KMT2B: variants seen among roughly 807,000 people sequenced by gnomAD.
KMT2B encodes lysine methyltransferase 2B.
A neutral mutation model predicts 255.3 loss-of-function variants in KMT2B; 22 were observed. The observed-to-expected ratio is 0.09, with a 90% CI of 0.06 to 0.12. The LOEUF is 0.12. Among genes scored for constraint, KMT2B ranks in the 10% least tolerant of loss-of-function variants. KMT2B has a pLI of 1.00. For missense variants in KMT2B, 3,149 were observed against 3,737.0 expected (o/e 0.84, Z 4.10); for synonymous variants, 1,730 against 1,498.1 (o/e 1.15, Z -3.57).
rs182457846 is a variant in KMT2B at position 35,723,107 on chromosome 19, G to C, written c.2835G>C (p.Leu945=). Residue 945 remains leucine, a synonymous_variant, in exon 6 of 37, where the codon CTG becomes CTC. Transcript: ENST00000420124. This position sits in a 1 kb window ranked among gnomAD's most constrained non-coding sequence, Gnocchi z 7.5. Reference sequence around the variant, plus strand: ...AGCCCACAGGTTCTGGAGGGACCCTGGCCCACACACCCCGGCGCTCACTGC... The same window carrying C: ...AGCCCACAGGTTCTGGAGGGACCCTCGCCCACACACCCCGGCGCTCACTGC... ...ESEPTGSGGT[L]AHTPRRSLPS... 2.2e-3 allele frequency: 3,483 copies of C among 1,613,310 alleles called. 3 individuals carry two copies. Among genetic ancestry groups the C allele is most frequent in the Non-Finnish European group, 2.6e-3 (3,049 of 1,179,828 alleles).
Position 35,728,109 on chromosome 19 carries a change from T to C in KMT2B, c.4509T>C (p.Ser1503=), listed in dbSNP as rs1969539689. ...AACCCACTCCCCAGCTGCTAGAATC[T>C]GCGTTCGGCTGGTTCGACGCCCACG... ...MKGLLLKLLE[S]AFGWFDAHDP... is the part of the protein sequence containing the mutation. The change falls in exon 19 of 37, where the codon TCT becomes TCC. Residue 1503 remains serine (S), a synonymous_variant. Coordinates refer to ENST00000420124, the MANE Select transcript of KMT2B (RefSeq NM_014727.3). The C allele has an allele frequency of 1.3e-6, 2 of 1,598,178 alleles. No homozygotes were observed. The highest frequency in any genetic ancestry group is 1.7e-6 in the Non-Finnish European group (2 of 1,172,814).
rs1183799779 is a variant in KMT2B, at chr19:35,723,561, G to A, written c.3058+59G>A. ...CCGTGTTAGAGTTTGTGCTGTGGAGGGAGCTGTTTTTCTTTGCTCTCCTCC... is the reference window on the plus strand; with the variant it reads ...CCGTGTTAGAGTTTGTGCTGTGGAGAGAGCTGTTTTTCTTTGCTCTCCTCC... On this transcript the variant is annotated intron_variant, in intron 7 of 36. Transcript: ENST00000420124. This position sits in a 1 kb window ranked among gnomAD's most constrained non-coding sequence, Gnocchi z 7.5. 4.7e-6 allele frequency: 7 copies of A among 1,480,096 alleles called. No individual in the cohort carries two copies. The East Asian group carries it at 7.4e-5, about 16-fold the overall frequency. The allele number at this position is 1,480,096 out of a possible 1,614,324, so 91.7% of individuals were successfully genotyped here.
intron 1 of KMT2B, 140 bp from the exon 2 acceptor site, chr19:35,719,329 C>T (rs1047093835): frequency 6.1e-6 from 4 of 658,498 alleles, no homozygotes; most frequent in Middle Eastern, 3.2e-4. Context: ...CTACCCGCGA[C>T]CTTTGAGTCT....
At position 35,726,363 on chromosome 19, in the gene KMT2B, G is replaced by A. The variant is rs201804873; in HGVS notation, c.4003+10G>A. On this transcript the variant is annotated intron_variant, in intron 14 of 36. Coordinates refer to ENST00000420124, the MANE Select transcript of KMT2B (RefSeq NM_014727.3). ...CAGCTATATGAGAAAGGTGGGGACC[G>A]GGCAGGGGAACTGGATGCTGGGGGC... 8 of 1,577,986 alleles carry A rather than the reference G, an allele frequency of 5.1e-6. No homozygotes were observed. The highest frequency in any genetic ancestry group is 1.3e-5 in the African/African-American group (1 of 74,332).
rs768315319 is a variant in KMT2B, at chr19:35,728,787, A to C, written c.4585A>C (p.Asn1529His). ...GCCTGTCCACAGCGGAGTCCTTCCC[A>C]ATGCGGTGTTGCCCCCATCCCTGGA... ...STRLPNGVLP[N>H]AVLPPSLDHV... The change falls in exon 20 of 37, where the codon AAT (asparagine) becomes CAT (histidine). Residue 1529 changes from asparagine to histidine, a missense_variant. Around this residue, in one of 18 missense-constraint regions of KMT2B, gnomAD observed 377 missense variants for 471.0 expected, o/e 0.80. Transcript: ENST00000420124. The C allele has an allele frequency of 6.2e-7, 1 of 1,613,786 alleles. No individual in the cohort carries two copies. Among genetic ancestry groups the C allele is most frequent in the African/African-American group, 1.3e-5 (1 of 74,986 alleles).
intron 9 of KMT2B, 72 bp downstream of exon 9, chr19:35,724,803 T>G: frequency 4.5e-6 from 6 of 1,345,134 alleles, no homozygotes; most frequent in South Asian, 1.3e-5. Flanking sequence ...CAGACACACC[T>G]GAGTGTCGTG....
intron 30 of KMT2B, chr19:35,736,445 C>A: frequency 1.9e-6 from 1 of 530,688 alleles, no homozygotes; most frequent in Non-Finnish European, 3.4e-6. Context: ...GGCCCCAAGC[C>A]TCTGTGGAAT....
Position 35,729,044 on chromosome 19 carries a change from C to T in KMT2B, c.4747C>T (p.Leu1583Phe). 1 of 1,614,022 alleles carries T rather than the reference C, an allele frequency of 6.2e-7. No homozygotes were observed. Among genetic ancestry groups the T allele is most frequent in the Non-Finnish European group, 8.5e-7 (1 of 1,179,892 alleles). Residue 1583 changes from leucine to phenylalanine, a missense_variant, in exon 21 of 37, where the codon CTC becomes TTC. Physicochemically the swap from Leu to Phe is conservative, Grantham distance 22. Transcript: ENST00000420124. ...SHLEDPRQCA[L>F]CLKYGDADSK... is the part of the protein sequence containing the mutation. ...CCTGGAGGACCCCCGTCAGTGTGCA[C>T]TCTGCCTCAAATACGGGGATGCAGA...
intron 30 of KMT2B, among the ~76,000 whole-genome samples, chr19:35,734,079 G>C (rs1969829680): frequency 6.6e-6 from 1 of 152,194 alleles, no homozygotes; most frequent in Non-Finnish European, 1.5e-5. Context: ...CTCTACGTGG[G>C]ATCCTTTTAA....
chr19:35,720,819 G>A lies in KMT2B; in HGVS notation c.1472G>A (p.Gly491Asp). The A allele has an allele frequency of 6.5e-7, 1 of 1,532,410 alleles. No individual in the cohort carries two copies. The highest frequency in any genetic ancestry group is 8.8e-7 in the Non-Finnish European group (1 of 1,136,694). The allele number at this position is 1,532,410 out of a possible 1,614,324, so 94.9% of individuals were successfully genotyped here. A position where few individuals can be genotyped will look rare whatever the true frequency, so the allele number is the denominator to read the frequency against. ...GAAGCTGCTCGGGCAGGGCCAGAGGGCACCTCTCCTCCCACTCCAACCCCC... is the reference window on the plus strand; with the variant it reads ...GAAGCTGCTCGGGCAGGGCCAGAGGACACCTCTCCTCCCACTCCAACCCCC... ...EREAARAGPE[G>D]TSPPTPTPST... is the part of the protein sequence containing the mutation. Residue 491 changes from glycine to aspartate, a missense_variant, in exon 3 of 37, where the codon GGC becomes GAC. Gly to Asp is a moderately conservative substitution (Grantham distance 94). This residue lies in a region of KMT2B where 1,188 missense variants were observed against 1,106.4 expected (regional missense o/e 1.07). Transcript: ENST00000420124.
In KMT2B at chr19:35,732,785, G is replaced by T. The variant is rs775158252; in HGVS notation, c.6236G>T (p.Arg2079Leu). 8 of 1,607,446 alleles carry T rather than the reference G, an allele frequency of 5.0e-6. No homozygotes were observed. In the Middle Eastern group the frequency reaches 5.0e-4, roughly 100 times the overall value. Residue 2079 changes from arginine (R) to leucine (L), a missense_variant, in exon 28 of 37, where the codon CGG becomes CTG. Around this residue, in one of 18 missense-constraint regions of KMT2B, gnomAD observed 897 missense variants for 825.3 expected, o/e 1.09. Coordinates refer to ENST00000420124, the MANE Select transcript of KMT2B (RefSeq NM_014727.3). The stretch of plus-strand genomic sequence containing the variant: ...GAGGCTGAGGCGGTGCAGCAGCCTC[G>T]GGGCCAGGGCACGCCTCCTTCGGGG... ...DSEAEAVQQP[R>L]GQGTPPSGPG... is the part of the protein sequence containing the mutation.
chr19:35,726,529 C>T (rs146022456), intron 14 of KMT2B, among the ~76,000 whole-genome samples, 176 bp downstream of exon 14: 2 of 152,264 alleles, frequency 1.3e-5, no homozygotes, highest in African/African-American at 4.8e-5. Context: ...AAAACAGGGA[C>T]ACATAGCTCC....
rs781065031 is a variant in KMT2B, at chr19:35,720,929, A to G, written c.1582A>G (p.Ile528Val). The change falls in exon 3 of 37, where the codon ATT (isoleucine) becomes GTT (valine). Residue 528 changes from isoleucine to valine, a missense_variant. Physicochemically the swap from Ile to Val is conservative, Grantham distance 29 (BLOSUM62 3). Transcript: ENST00000420124. ...CTTCCTGAAGAATATCCGGCAGTTT[A>G]TTATGCCTGTGGTGAGTGCCCGCTC... is the stretch of plus-strand genomic sequence containing the variant. ...TTFLKNIRQF[I>V]MPVVSARSSR... 3.7e-6 allele frequency: 6 copies of G among 1,611,210 alleles called. No homozygotes were observed. Among genetic ancestry groups the G allele is most frequent in the Non-Finnish European group, 5.1e-6 (6 of 1,179,000 alleles).
intron 1 of KMT2B, among the ~76,000 whole-genome samples, chr19:35,719,225 C>G (rs1158164907): frequency 1.3e-5 from 2 of 152,176 alleles, no homozygotes; most frequent in Non-Finnish European, 2.9e-5. Context: ...GGCCAGTGAA[C>G]CATGGCTTTG....
Position 35,725,717 on chromosome 19 carries a change from C to T in KMT2B, c.3790-6C>T. On this transcript the variant is annotated splice_region_variant and splice_polypyrimidine_tract_variant and intron_variant, in intron 12 of 36. Transcript: ENST00000420124. The surrounding 1 kb of genome is among the most constrained non-coding windows in gnomAD (Gnocchi z 4.1). ...GTTTCGCCATCTCTGTCTCCACATC[C>T]AACAGCACCTCCTGGAGTGCGAGCG... The T allele has an allele frequency of 1.2e-6, 2 of 1,612,158 alleles. No homozygotes were observed. The highest frequency in any genetic ancestry group is 1.7e-6 in the Non-Finnish European group (2 of 1,179,156).
chr19:35,730,655 A>G (rs1352011708), intron 25 of KMT2B, 39 bp downstream of exon 25: 5 of 1,613,824 alleles, frequency 3.1e-6, no homozygotes, highest in South Asian at 1.1e-5. Flanking sequence ...AGGGGACTCC[A>G]TAGCTGGATC....
At position 35,723,832 on chromosome 19, in the gene KMT2B, GC is replaced by G. The variant is rs2146446175; in HGVS notation, c.3163del (p.Arg1055GlyfsTer127). On this transcript the variant is annotated frameshift_variant, in exon 8 of 37. Transcript: ENST00000420124. LOFTEE classifies it high-confidence loss of function. The surrounding 1 kb of genome is among the most constrained non-coding windows in gnomAD (Gnocchi z 7.5). ...GPRRGAGAGGPREEVVAHPGP... is the reference protein window; with the variant it reads ...GPRRGAGAGGXREEVVAHPGP... ...CACGCCGGGGGGCGGGAGCTGGGGG[GC>G]CCCGGGAGGAGGTGGTGGCCCACCC... 6.3e-7 allele frequency: 1 copy of G among 1,596,500 alleles called. No homozygotes were observed.
At chr19:35,735,885 C>G (rs1969893823) in intron 30 of KMT2B, 1 of 152,268 alleles carries the variant, frequency 6.6e-6, no homozygotes, top group African/African-American at 2.4e-5. Flanking sequence ...CCCGTCTGCC[C>G]TGTTTAATCT....
chr19:35,722,742 A>G (rs745718667), intron 5 of KMT2B, 24 bp downstream of exon 5: 8 of 1,562,344 alleles, frequency 5.1e-6, no homozygotes, highest in Middle Eastern at 1.8e-4. Context: ...CTGGACAGCC[A>G]TGTCAGGTTT....
Sources: allele counts gnomAD v4.1 joint callset (sites outside exome capture counted in the v4.1 genomes callset), GRCh38; gene constraint gnomAD v4.1.1; regional missense constraint gnomAD v4.1.1; non-coding constraint Gnocchi (gnomAD v3.1); transcripts MANE v1.5; gene names NCBI Gene and HGNC (gene_info 2026-07-23, HGNC 2026-07-21).